FBF1: variants seen among roughly 807,000 people sequenced by gnomAD.
FBF1 encodes Fas binding factor 1.
In FBF1, 119 loss-of-function variants were observed where a neutral mutation model predicts 147.2. The observed-to-expected ratio is 0.81, with a 90% CI of 0.70 to 0.94. The LOEUF (loss-of-function observed/expected upper bound fraction) is 0.94, where lower values mean the gene tolerates loss of function less well. Among genes scored for constraint, FBF1 ranks in the 40% least tolerant of loss-of-function variants. The pLI, the probability that FBF1 is intolerant of heterozygous loss-of-function variation, is 0.00. For synonymous variants in FBF1, 601 were observed against 609.0 expected, an observed-to-expected ratio of 0.99 and a Z score of 0.19; for missense variants, 1,449 against 1,500.8, an observed-to-expected ratio of 0.97 and a Z score of 0.57.
At position 75,921,937 on chromosome 17, in the gene FBF1, A is replaced by G. The variant is rs1598155918; in HGVS notation, c.1526+8T>C. On this transcript the variant is annotated splice_region_variant and intron_variant, in intron 15 of 29. Transcript: ENST00000636174. ...CTCATTCCCACTCAGCCCGCAGCCC[A>G]GGCCTACCCCGAGACACCAGGCCTG... 1 of 1,549,642 alleles carries G rather than the reference A, an allele frequency of 6.5e-7. No individual in the cohort carries two copies. Among genetic ancestry groups the G allele is most frequent in the Non-Finnish European group, 8.7e-7 (1 of 1,146,500 alleles).
At chr17:75,929,970 T>C in intron 7 of FBF1, 27 bp downstream of exon 7, 1 of 526,996 alleles carries the variant, frequency 1.9e-6, no homozygotes, top group Non-Finnish European at 3.2e-6. Context: ...CCCCCAGTTC[T>C]AAGAATCGTG....
intron 23 of FBF1, among the ~76,000 whole-genome samples, chr17:75,917,497 G>A (rs926184111): frequency 3.5e-5 from 5 of 141,388 alleles, no homozygotes; most frequent in African/African-American, 1.1e-4. Context: ...AGGGGCTTGC[G>A]GTGCTGAGGA....
intron 1 of FBF1, among the ~76,000 whole-genome samples, chr17:75,939,083 G>A (rs190291136): frequency 6.6e-6 from 1 of 151,878 alleles, no homozygotes; most frequent in African/African-American, 2.4e-5. Flanking sequence ...ATCATTTGAG[G>A]TCAGGAGTTC....
chr17:75,933,312 GCCCAA>G (rs1221971634), intron 4 of FBF1, among the ~76,000 whole-genome samples: 1 of 152,108 alleles, frequency 6.6e-6, no homozygotes, highest in Non-Finnish European at 1.5e-5. Flanking sequence ...CAAATGAAGA[GCCCAA>G]CCCAACCCAA....
chr17:75,913,607 G>T (rs994799846), intron 28 of FBF1, 95 bp downstream of exon 28: 3 of 929,386 alleles, frequency 3.2e-6, no homozygotes, highest in African/African-American at 1.7e-5. Context: ...CCAGCTGGCC[G>T]CCTTAACTGG....
At chr17:75,926,556 A>G in intron 10 of FBF1, 130 bp from the exon 11 acceptor site, 1 of 1,386,560 alleles carries the variant, frequency 7.2e-7, no homozygotes, top group Non-Finnish European at 9.5e-7. Context: ...TGGTCTGTCC[A>G]CGGGACCCAA....
At chr17:75,938,485 G>C (rs1031020853) in intron 1 of FBF1, among the ~76,000 whole-genome samples, 1 of 149,768 alleles carries the variant, frequency 6.7e-6, no homozygotes, top group African/African-American at 2.5e-5. Flanking sequence ...GAACCGGGGA[G>C]GTGGAAGCTG....
chr17:75,938,178 C>T lies in FBF1; in HGVS notation c.-29G>A. On this transcript the variant is annotated 5_prime_UTR_variant, in exon 2 of 30. Transcript: ENST00000636174. ...ACGGCTCTCGGGGGTGCTCTCAGCT[C>T]CTTCACAGCACTGGCCAGCTCATCT... 1.2e-6 allele frequency: 2 copies of T among 1,613,542 alleles called. No individual in the cohort carries two copies. Among genetic ancestry groups the T allele is most frequent in the Non-Finnish European group, 1.7e-6 (2 of 1,179,770 alleles).
chr17:75,929,945 A>ACCCCACCCCCCCCC, intron 7 of FBF1, 52 bp downstream of exon 7: 1 of 650,912 alleles, frequency 1.5e-6, no homozygotes, highest in Non-Finnish European at 2.8e-6. Flanking sequence ...AAATATCATG[A>ACCCCACCCCCCCCC]CCCCACCCCA....
rs755838708 is a variant in FBF1, at chr17:75,925,848, G to C, written c.868+182C>G. On this transcript the variant is annotated intron_variant, in intron 12 of 29. Transcript: ENST00000636174. The surrounding 1 kb of genome is among the most constrained non-coding windows in gnomAD (Gnocchi z 5.0). Reference sequence around the variant, plus strand: ...CAGCATCTCAATCATAGACAACTGAGCACGAACAGTGGTCACGGTAAGTAT... The same window carrying C: ...CAGCATCTCAATCATAGACAACTGACCACGAACAGTGGTCACGGTAAGTAT... Among the ~76,000 whole-genome samples, 1 of 152,236 alleles carries C rather than the reference G, an allele frequency of 6.6e-6. No homozygotes were observed. Among genetic ancestry groups the C allele is most frequent in the Non-Finnish European group, 1.5e-5 (1 of 68,038 alleles).
chr17:75,930,278 T>C (rs2065586625), intron 6 of FBF1: 2 of 577,182 alleles, frequency 3.5e-6, no homozygotes, highest in East Asian at 5.6e-5. Flanking sequence ...CTGCCATTCC[T>C]ACTCCTTCCA....
intron 22 of FBF1, 26 bp downstream of exon 22, chr17:75,917,905 G>A (rs765786715): frequency 6.3e-6 from 10 of 1,588,554 alleles, no homozygotes; most frequent in South Asian, 2.3e-5. Context: ...ACCAGGAGCC[G>A]GGGTGGCTGA....
Position 75,922,215 on chromosome 17 carries a change from C to G in FBF1, c.1425-169G>C, listed in dbSNP as rs58551440. 1.7e-3 allele frequency: 968 copies of G among 582,346 alleles called. 2 individuals carry two copies. Among genetic ancestry groups the G allele is most frequent in the Non-Finnish European group, 2.4e-3 (797 of 326,920 alleles). 36.1% of individuals were successfully genotyped at this position (582,346 alleles called of 1,614,324 possible). A position where few individuals can be genotyped will look rare whatever the true frequency, so the allele number is the denominator to read the frequency against. ...TCCCACGTCTGAGCTCCTGGGATTT[C>G]TGGGCATCTCTTCCCTTCCAGTACC... On this transcript the variant is annotated intron_variant, in intron 14 of 29. Transcript: ENST00000636174. This position sits in a 1 kb window ranked among gnomAD's most constrained non-coding sequence, Gnocchi z 5.0.
At chr17:75,937,209 T>C (rs2665957) in intron 3 of FBF1, among the ~76,000 whole-genome samples, 68,465 of 151,500 alleles carry the variant, frequency 0.45, 18,773 homozygotes, top group African/African-American at 0.78. Context: ...CTCACTCTGT[T>C]GCCCAGGCTG....
rs757684007 is a variant in FBF1 at position 75,928,165 on chromosome 17, A to C, written c.308T>G (p.Leu103Ter). Residue 103 changes from leucine (L) to a stop codon, truncating the protein, a stop_gained, in exon 8 of 30, where the codon TTA becomes TGA. Coordinates refer to ENST00000636174, the MANE Select transcript of FBF1 (RefSeq NM_001319193.2). LOFTEE classifies it high-confidence loss of function. The surrounding 1 kb of genome is among the most constrained non-coding windows in gnomAD (Gnocchi z 4.2). ...GGCTGAATTAGATTTCTTCAGACCT[A>C]AGATATCAGCATCCATGCCGTCCAG... ...KDLDGMDADI[L>*]GLKKSNSAPS... is the part of the protein sequence containing the mutation. 6.2e-7 allele frequency: 1 copy of C among 1,613,886 alleles called. No homozygotes were observed. Among genetic ancestry groups the C allele is most frequent in the East Asian group, 2.2e-5 (1 of 44,878 alleles).
intron 29 of FBF1, among the ~76,000 whole-genome samples, chr17:75,911,650 C>T (rs948483337): frequency 1.4e-4 from 22 of 152,134 alleles, no homozygotes; most frequent in Admixed American, 1.4e-3. Context: ...TCCGGAGTAG[C>T]TGGGAGTACA....
At chr17:75,934,693 A>G (rs555558715) in intron 4 of FBF1, among the ~76,000 whole-genome samples, 1 of 152,102 alleles carries the variant, frequency 6.6e-6, no homozygotes, top group African/African-American at 2.4e-5. Flanking sequence ...AGACTGACCA[A>G]CGTGGAGAAA....
At position 75,928,681 on chromosome 17, in the gene FBF1, G is replaced by A. The variant is rs906158887; in HGVS notation, c.280-488C>T. Among the ~76,000 whole-genome samples the A allele has an allele frequency of 2.6e-5, 4 of 151,716 alleles. No individual in the cohort carries two copies. The highest frequency in any genetic ancestry group is 4.9e-5 in the African/African-American group (2 of 41,142). On this transcript the variant is annotated intron_variant, in intron 7 of 29. Coordinates refer to ENST00000636174, the MANE Select transcript of FBF1 (RefSeq NM_001319193.2). The surrounding 1 kb of genome is among the most constrained non-coding windows in gnomAD (Gnocchi z 4.2). ...AAATTAGTTGGGTGTGGTGGTGCAC[G>A]CCTGTAATCCCAGCTACTTGGGAGG...
intron 4 of FBF1, 63 bp downstream of exon 4, chr17:75,935,569 T>G (rs753617786): frequency 3.5e-5 from 51 of 1,478,116 alleles, no homozygotes; most frequent in Non-Finnish European, 4.5e-5. Context: ...CTGGGCAACA[T>G]AGTAAGAAAA....
Sources: allele counts gnomAD v4.1 joint callset (sites outside exome capture counted in the v4.1 genomes callset), GRCh38; gene constraint gnomAD v4.1.1; non-coding constraint Gnocchi (gnomAD v3.1); transcripts MANE v1.5; gene names NCBI Gene and HGNC (gene_info 2026-07-23, HGNC 2026-07-21).